Variants in SPRED2 observed in about 807,000 individuals in gnomAD.
SPRED2 encodes the protein sprouty-related, EVH1 domain-containing protein 2.
In SPRED2, 47 loss-of-function variants were observed where a neutral mutation model predicts 43.0. That is an observed-to-expected ratio of 1.09 (90% CI 0.87 to 1.40). SPRED2 has a LOEUF of 1.40. Ranked by LOEUF, SPRED2 falls within the 40% of genes most tolerant of loss-of-function variation. SPRED2 has a pLI of 0.00. For synonymous variants in SPRED2, 225 were observed against 225.7 expected (o/e 1.00, Z 0.03); for missense variants, 561 against 586.4 (o/e 0.96, Z 0.45).
intron 3 of SPRED2, 91 bp downstream of exon 3, chr2:65,334,514 A>G (rs1673906079): frequency 6.6e-7 from 1 of 1,512,122 alleles, no homozygotes; most frequent in Non-Finnish European, 9.0e-7. Flanking sequence ...CCGCAAATAA[A>G]CCACAAATAA....
At chr2:65,423,170 G>A (rs758357967) in intron 1 of SPRED2, among the ~76,000 whole-genome samples, 11 of 152,176 alleles carry the variant, frequency 7.2e-5, no homozygotes, top group Admixed American at 4.6e-4. Context: ...GACAAAACAT[G>A]TCATAAGCCA....
At chr2:65,335,733 G>A (rs869227908) in intron 2 of SPRED2, among the ~76,000 whole-genome samples, 3 of 28,096 alleles carry the variant, frequency 1.1e-4, no homozygotes, top group South Asian at 1.7e-3. Flanking sequence ...AAATAACCCC[G>A]TCTAGCACAG....
intron 1 of SPRED2, among the ~76,000 whole-genome samples, chr2:65,382,282 G>A (rs1675390095): frequency 6.6e-6 from 1 of 152,212 alleles, no homozygotes; most frequent in African/African-American, 2.4e-5. Context: ...CAGGAAGAAG[G>A]CTGGTCCAGG....
At chr2:65,386,300 AAAAAG>A (rs1417442066) in intron 1 of SPRED2, among the ~76,000 whole-genome samples, 3 of 149,052 alleles carry the variant, frequency 2.0e-5, no homozygotes, top group East Asian at 3.9e-4. Context: ...AAAAAAAAAA[AAAAAG>A]AAAGCACTGG....
At chr2:65,339,852 G>A (rs1002549710) in intron 2 of SPRED2, among the ~76,000 whole-genome samples, 37 of 151,810 alleles carry the variant, frequency 2.4e-4, no homozygotes, top group Non-Finnish European at 4.6e-4. Flanking sequence ...TATCAAAGAA[G>A]AATATCTACA....
At chr2:65,361,138 C>T (rs67510179) in intron 1 of SPRED2, among the ~76,000 whole-genome samples, 7,837 of 152,276 alleles carry the variant, frequency 0.051, 298 homozygotes, top group Middle Eastern at 0.15. Flanking sequence ...CATATGTCCC[C>T]ATTATGCAAA....
At chr2:65,392,593 T>A (rs1467801939) in intron 1 of SPRED2, among the ~76,000 whole-genome samples, 3 of 152,198 alleles carry the variant, frequency 2.0e-5, no homozygotes, top group African/African-American at 7.2e-5. Flanking sequence ...TTAGTATTCA[T>A]CTTATAGTCT....
intron 4 of SPRED2, among the ~76,000 whole-genome samples, chr2:65,320,943 T>C (rs570568019): frequency 6.6e-6 from 1 of 152,112 alleles, no homozygotes; most frequent in Non-Finnish European, 1.5e-5. Flanking sequence ...TTCTTAAACA[T>C]CTCTCTGTTA....
chr2:65,382,261 A>G (rs1675389660), intron 1 of SPRED2, among the ~76,000 whole-genome samples: 1 of 152,376 alleles, frequency 6.6e-6, no homozygotes, highest in South Asian at 2.1e-4. Flanking sequence ...CTGCATTTAA[A>G]AAAAGATTTC....
At chr2:65,374,359 G>A (rs1010252753) in intron 1 of SPRED2, among the ~76,000 whole-genome samples, 1 of 152,212 alleles carries the variant, frequency 6.6e-6, no homozygotes, top group Non-Finnish European at 1.5e-5. Context: ...TGTTGATCAA[G>A]TTCCTTGTAC....
At position 65,313,804 on chromosome 2, in the gene SPRED2, GTGGT is replaced by G; in HGVS notation, c.950_953del (p.Asn317ThrfsTer16). On this transcript the variant is annotated frameshift_variant, in exon 6 of 6. Coordinates refer to ENST00000356388, the MANE Select transcript of SPRED2 (RefSeq NM_181784.3). LOFTEE classifies it high-confidence loss of function. ...GGCAGTGGCCCCGGCGGTTCTCCTC[GTGGT>G]TGAACATGTCCCTGCAGTACACGCA... The G allele has an allele frequency of 6.2e-7, 1 of 1,613,918 alleles. No individual in the cohort carries two copies. Among genetic ancestry groups the G allele is most frequent in the Non-Finnish European group, 8.5e-7 (1 of 1,180,032 alleles).
chr2:65,372,433 A>C (rs1360464154), intron 1 of SPRED2, among the ~76,000 whole-genome samples: 1 of 152,236 alleles, frequency 6.6e-6, no homozygotes, highest in East Asian at 1.9e-4. Context: ...GGGCTTGATT[A>C]GCAATGAAAA....
intron 1 of SPRED2, among the ~76,000 whole-genome samples, chr2:65,396,408 G>A (rs78679074): frequency 0.027 from 4,038 of 152,252 alleles, 193 homozygotes; most frequent in African/African-American, 0.092. Flanking sequence ...AAAAGCTCCC[G>A]TGTGCTTGCC....
At position 65,312,788 on chromosome 2, in the gene SPRED2, G is replaced by C; in HGVS notation, c.*713C>G. ...ATCTGAAGTTAAGGCTCAATTCTCAGTCTATTACGGGTGAATGTTTTGCAT... is the reference window on the plus strand; with the variant it reads ...ATCTGAAGTTAAGGCTCAATTCTCACTCTATTACGGGTGAATGTTTTGCAT... On this transcript the variant is annotated 3_prime_UTR_variant, in exon 6 of 6. Coordinates refer to ENST00000356388, the MANE Select transcript of SPRED2 (RefSeq NM_181784.3). 1 of 985,864 alleles carries C rather than the reference G, an allele frequency of 1.0e-6. No individual in the cohort carries two copies. Among genetic ancestry groups the C allele is most frequent in the Non-Finnish European group, 1.2e-6 (1 of 829,936 alleles). 61.1% of individuals were successfully genotyped at this position (985,864 alleles called of 1,614,324 possible).
intron 3 of SPRED2, chr2:65,334,128 C>T: frequency 2.1e-6 from 1 of 467,440 alleles, no homozygotes; most frequent in South Asian, 1.6e-5. Flanking sequence ...TAGACCAAGG[C>T]CTAAACCGAA....
intron 4 of SPRED2, among the ~76,000 whole-genome samples, chr2:65,327,840 C>T (rs929983391): frequency 6.7e-6 from 1 of 149,950 alleles, no homozygotes; most frequent in Non-Finnish European, 1.5e-5. Context: ...TCTCCTGCCT[C>T]AGCCTCCGGA....
chr2:65,422,912 C>A (rs952097257), intron 1 of SPRED2, among the ~76,000 whole-genome samples: 4 of 151,996 alleles, frequency 2.6e-5, no homozygotes, highest in African/African-American at 9.7e-5. Context: ...ATTTGCTTTG[C>A]GAGTCTGAGC....
At chr2:65,391,128 GC>G (rs1195772584) in intron 1 of SPRED2, among the ~76,000 whole-genome samples, 1 of 148,886 alleles carries the variant, frequency 6.7e-6, no homozygotes. Flanking sequence ...TACCACACAG[GC>G]CCCATGAGCT....
intron 1 of SPRED2, among the ~76,000 whole-genome samples, chr2:65,392,175 C>CTT (rs70943649): frequency 0.011 from 1,122 of 98,694 alleles, 18 homozygotes; most frequent in Non-Finnish European, 0.018. Context: ...TCCAGAATTT[C>CTT]TTTTTTTTTT....
Sources: gnomAD v4.1 joint callset for allele counts (sites outside exome capture counted in the v4.1 genomes callset) on GRCh38, gnomAD v4.1.1 for gene constraint, MANE v1.5 for transcripts, NCBI Gene and HGNC (gene_info 2026-07-23, HGNC 2026-07-21) for gene names.